CXCL13: variants seen among roughly 807,000 people sequenced by gnomAD.
The protein encoded by CXCL13 is C-X-C motif chemokine ligand 13.
CXCL13 carries 7 observed loss-of-function variants against 12.2 expected under a neutral mutation model. The ratio of observed to expected loss-of-function variants is 0.57; its 90% CI spans 0.33 to 1.07. CXCL13 has a LOEUF of 1.07. Among genes scored for constraint, CXCL13 ranks in the 50% least tolerant of loss-of-function variants. The pLI is 0.04. For synonymous variants in CXCL13, 47 were observed against 42.4 expected (o/e 1.11, Z -0.42); for missense variants, 113 against 127.4 (o/e 0.89, Z 0.55).
chr4:77,581,279 T>C (rs1726328257), intron 1 of CXCL13, among the ~76,000 whole-genome samples: 1 of 152,230 alleles, frequency 6.6e-6, no homozygotes. Context: ...TTAAATGCCA[T>C]TCAAGCAAGT....
intron 1 of CXCL13, among the ~76,000 whole-genome samples, chr4:77,540,110 A>G (rs1500501): frequency 0.19 from 29,296 of 152,124 alleles, 3,259 homozygotes; most frequent in South Asian, 0.31. Flanking sequence ...TAGATTGATT[A>G]TCTCTGTTAA....
upstream of CXCL13, among the ~76,000 whole-genome samples, chr4:77,604,790 T>C (rs897512837): frequency 6.6e-6 from 1 of 152,146 alleles, no homozygotes; most frequent in African/African-American, 2.4e-5. Context: ...GCTAATTGAT[T>C]AGCAAAAACC....
At chr4:77,540,351 A>G (rs1263123438) in intron 1 of CXCL13, among the ~76,000 whole-genome samples, 1 of 152,102 alleles carries the variant, frequency 6.6e-6, no homozygotes, top group Admixed American at 6.6e-5. Context: ...GGTATGATTG[A>G]TCCCATCATG....
At chr4:77,601,594 T>C (rs935310830), upstream of CXCL13, among the ~76,000 whole-genome samples, 1 of 152,242 alleles carries the variant, frequency 6.6e-6, no homozygotes, top group Non-Finnish European at 1.5e-5. Context: ...GTATCACCTA[T>C]GTGCCTACTG....
At chr4:77,584,144 C>G (rs756136257) in intron 1 of CXCL13, among the ~76,000 whole-genome samples, 21 of 152,134 alleles carry the variant, frequency 1.4e-4, no homozygotes, top group Non-Finnish European at 1.2e-4. Flanking sequence ...AAGCACAGAC[C>G]AATAACATGA....
rs916666561 is a variant in CXCL13, at chr4:77,554,167, C to T, written c.-43+42379C>T. Among the ~76,000 whole-genome samples the T allele has an allele frequency of 2.6e-5, 4 of 152,204 alleles. No individual in the cohort carries two copies. In the East Asian group the frequency reaches 7.7e-4, roughly 29 times the overall value. On this transcript the variant is annotated intron_variant, in intron 1 of 4. Transcript: ENST00000286758. ...TTCTCCACCACCAACCAACAGCATT[C>T]CCTCATCAATTGTGTGCTCTATTTT...
At chr4:77,523,185 T>G (rs1235412198) in intron 1 of CXCL13, among the ~76,000 whole-genome samples, 1 of 152,174 alleles carries the variant, frequency 6.6e-6, no homozygotes, top group Non-Finnish European at 1.5e-5. Flanking sequence ...CAATTATTTG[T>G]CTTGGGGTTG....
chr4:77,542,105 T>C (rs1725218487), intron 1 of CXCL13, among the ~76,000 whole-genome samples: 1 of 152,142 alleles, frequency 6.6e-6, no homozygotes, highest in African/African-American at 2.4e-5. Flanking sequence ...CCAGGAGCCT[T>C]TTGAAGGAGT....
intron 1 of CXCL13, among the ~76,000 whole-genome samples, chr4:77,538,161 C>A (rs529642395): frequency 5.3e-5 from 8 of 152,278 alleles, no homozygotes; most frequent in Admixed American, 1.3e-4. Flanking sequence ...TGTCTTTTTC[C>A]TACCTCAGCA....
chr4:77,589,184 A>G (rs1726550198), intron 1 of CXCL13, among the ~76,000 whole-genome samples: 1 of 149,810 alleles, frequency 6.7e-6, no homozygotes, highest in Non-Finnish European at 1.5e-5. Context: ...CACAGTCTGA[A>G]ATTATTAAAA....
At chr4:77,574,489 G>C (rs1412349859) in intron 1 of CXCL13, among the ~76,000 whole-genome samples, 1 of 151,944 alleles carries the variant, frequency 6.6e-6, no homozygotes, top group Non-Finnish European at 1.5e-5. Context: ...GCCTTGGTGT[G>C]TAATAGCTAG....
chr4:77,605,119 A>G (rs1028542192), upstream of CXCL13, among the ~76,000 whole-genome samples: 8 of 152,140 alleles, frequency 5.3e-5, no homozygotes, highest in African/African-American at 1.9e-4. Flanking sequence ...TCTCAAGCTC[A>G]TGGACTTGCA....
chr4:77,599,453 C>T (rs1363320952), intron 1 of CXCL13, among the ~76,000 whole-genome samples: 4 of 152,114 alleles, frequency 2.6e-5, no homozygotes, highest in African/African-American at 9.7e-5. Context: ...AGACATGGTC[C>T]TTTTTAAAAT....
At chr4:77,603,799 A>G (rs1048923928), upstream of CXCL13, among the ~76,000 whole-genome samples, 4 of 130,912 alleles carry the variant, frequency 3.1e-5, no homozygotes, top group Admixed American at 3.1e-4. Context: ...TTAGATAGTC[A>G]GACAGACAGG....
chr4:77,610,820 A>C (rs1404294084), intron 3 of CXCL13, 126 bp downstream of exon 3: 1 of 926,906 alleles, frequency 1.1e-6, no homozygotes, highest in African/African-American at 1.6e-5. Context: ...TGTGTTTTTC[A>C]CTGTTATTGC....
chr4:77,593,270 A>C (rs1726660285), intron 1 of CXCL13, among the ~76,000 whole-genome samples: 1 of 152,250 alleles, frequency 6.6e-6, no homozygotes. Context: ...TCTAACCTCA[A>C]ATTAAACATT....
At chr4:77,526,795 G>A (rs1289361667) in intron 1 of CXCL13, among the ~76,000 whole-genome samples, 1 of 152,194 alleles carries the variant, frequency 6.6e-6, no homozygotes, top group East Asian at 1.9e-4. Context: ...GGCTTAGGGA[G>A]GCCAGGGAGC....
At chr4:77,527,748 T>C (rs185885013) in intron 1 of CXCL13, among the ~76,000 whole-genome samples, 1 of 152,248 alleles carries the variant, frequency 6.6e-6, no homozygotes, top group East Asian at 1.9e-4. Flanking sequence ...CCTTCAAACT[T>C]GCAACAGTTT....
intron 1 of CXCL13, among the ~76,000 whole-genome samples, chr4:77,530,186 T>C (rs1724871429): frequency 6.6e-6 from 1 of 152,236 alleles, no homozygotes; most frequent in Non-Finnish European, 1.5e-5. Flanking sequence ...GCCAGTATTT[T>C]ATTGAGGATT....
Sources: gnomAD v4.1 joint callset for allele counts (sites outside exome capture counted in the v4.1 genomes callset) on GRCh38, gnomAD v4.1.1 for gene constraint, MANE v1.5 for transcripts, NCBI Gene and HGNC (gene_info 2026-07-23, HGNC 2026-07-21) for gene names.